RANBP3L: variants seen among roughly 807,000 people sequenced by gnomAD.
The protein encoded by RANBP3L is RAN binding protein 3 like, also known as ran-binding protein 3-like.
A neutral mutation model predicts 67.2 loss-of-function variants in RANBP3L; 56 were observed. The ratio of observed to expected loss-of-function variants is 0.83; its 90% CI spans 0.67 to 1.04. RANBP3L has a LOEUF of 1.04. Ranked by LOEUF, RANBP3L falls within the 50% of genes least tolerant of loss-of-function variation. The pLI is 0.00. For missense variants in RANBP3L, 496 were observed against 535.5 expected, an observed-to-expected ratio of 0.93 and a Z score of 0.73; for synonymous variants, 164 against 181.4, an observed-to-expected ratio of 0.90 and a Z score of 0.77.
intron 13 of RANBP3L, 26 bp downstream of exon 13, chr5:36,251,287 G>A (rs1281501801): frequency 6.3e-7 from 1 of 1,588,712 alleles, no homozygotes; most frequent in African/African-American, 1.3e-5. Context: ...TTAAACCTCT[G>A]AACTAACAAA....
chr5:36,283,357 A>T (rs1195227537), intron 1 of RANBP3L, among the ~76,000 whole-genome samples: 1 of 151,156 alleles, frequency 6.6e-6, no homozygotes, highest in Non-Finnish European at 1.5e-5. Flanking sequence ...CACACCCAGC[A>T]CGTTAATTTA....
At chr5:36,261,014 A>T (rs555937526) in intron 7 of RANBP3L, 150 bp from the exon 8 acceptor site, 2 of 573,498 alleles carry the variant, frequency 3.5e-6, no homozygotes, top group Non-Finnish European at 3.1e-6. Context: ...TGAAGGAAAA[A>T]TTCAGATAGT....
At chr5:36,287,119 A>G (rs1267015866) in intron 1 of RANBP3L, among the ~76,000 whole-genome samples, 3 of 152,106 alleles carry the variant, frequency 2.0e-5, no homozygotes, top group African/African-American at 7.2e-5. Context: ...TCTCATAAAG[A>G]GCACGCAACC....
At chr5:36,279,500 G>A (rs1161495234) in intron 1 of RANBP3L, among the ~76,000 whole-genome samples, 1 of 152,126 alleles carries the variant, frequency 6.6e-6, no homozygotes, top group African/African-American at 2.4e-5. Context: ...CCAATTTGAA[G>A]GTAAGATAAC....
At chr5:36,298,632 A>G (rs755107096) in intron 1 of RANBP3L, among the ~76,000 whole-genome samples, 2 of 152,252 alleles carry the variant, frequency 1.3e-5, no homozygotes, top group Non-Finnish European at 1.5e-5. Flanking sequence ...CAATTTAGCA[A>G]CACAGCAAAT....
chr5:36,284,832 C>G (rs1751213659), intron 1 of RANBP3L, among the ~76,000 whole-genome samples: 1 of 152,160 alleles, frequency 6.6e-6, no homozygotes, highest in African/African-American at 2.4e-5. Flanking sequence ...TTTTGGGAGA[C>G]AGTTGGATGT....
chr5:36,253,774 C>T lies in RANBP3L; in HGVS notation c.1040G>A (p.Gly347Asp), dbSNP rs1222702853. 1 of 1,612,240 alleles carries T rather than the reference C, an allele frequency of 6.2e-7. No homozygotes were observed. Among genetic ancestry groups the T allele is most frequent in the Non-Finnish European group, 8.5e-7 (1 of 1,178,854 alleles). Residue 347 changes from glycine (G) to aspartate (D), a missense_variant, in exon 12 of 14, where the codon GGC (glycine) becomes GAC (aspartate). Coordinates refer to ENST00000296604, the MANE Select transcript of RANBP3L (RefSeq NM_145000.5). ...GCTGTTGAGGATCAGCCTTAGACTG[C>T]CTTGATTGCGCATAACTAAAATAGG... The part of the protein sequence containing the change: ...LQSRLIMRNQ[G>D]SLRLILNSKL...
In RANBP3L at chr5:36,297,843, A is replaced by G. The variant is rs147683924; in HGVS notation, c.91+3483T>C. ...GCTTAGTTGTCTTAGTTCAATTTGC[A>G]TACTCAGCATCTAGCACAACACTTT... On this transcript the variant is annotated intron_variant, in intron 1 of 13. Coordinates refer to ENST00000296604, the MANE Select transcript of RANBP3L (RefSeq NM_145000.5). Among the ~76,000 whole-genome samples the G allele has an allele frequency of 2.0e-3, 301 of 152,310 alleles. 3 individuals carry two copies. Among genetic ancestry groups the G allele is most frequent in the Non-Finnish European group, 2.6e-4 (18 of 68,026 alleles).
intron 1 of RANBP3L, among the ~76,000 whole-genome samples, chr5:36,291,407 T>A (rs1026355700): frequency 1.3e-5 from 2 of 152,032 alleles, no homozygotes; most frequent in South Asian, 4.1e-4. Context: ...ATTTTTATTA[T>A]TATTATTATA....
At chr5:36,278,331 C>T (rs144666884) in intron 1 of RANBP3L, among the ~76,000 whole-genome samples, 1 of 152,180 alleles carries the variant, frequency 6.6e-6, no homozygotes, top group Non-Finnish European at 1.5e-5. Flanking sequence ...CCTTGCTCCT[C>T]AAAGTGTGAT....
At chr5:36,254,729 C>T (rs1310054607) in intron 11 of RANBP3L, among the ~76,000 whole-genome samples, 3 of 152,048 alleles carry the variant, frequency 2.0e-5, no homozygotes, top group Non-Finnish European at 4.4e-5. Flanking sequence ...CAGTGTCTAC[C>T]TGTGGTCTCC....
chr5:36,253,254 C>T (rs1289893102), intron 12 of RANBP3L, among the ~76,000 whole-genome samples: 1 of 152,014 alleles, frequency 6.6e-6, no homozygotes, highest in Non-Finnish European at 1.5e-5. Context: ...GGTTCTTTTC[C>T]AGTGACCTAA....
At chr5:36,262,263 A>C (rs1373837744) in intron 6 of RANBP3L, among the ~76,000 whole-genome samples, 1 of 152,220 alleles carries the variant, frequency 6.6e-6, no homozygotes, top group African/African-American at 2.4e-5. Flanking sequence ...CAAAAAACTT[A>C]AATAATTTGC....
chr5:36,272,726 C>T (rs1750310145), intron 1 of RANBP3L, among the ~76,000 whole-genome samples: 1 of 152,102 alleles, frequency 6.6e-6, no homozygotes, highest in Admixed American at 6.5e-5. Context: ...CTCACTACAA[C>T]CTCCACCTCC....
At chr5:36,290,122 G>C (rs1224709714) in intron 1 of RANBP3L, among the ~76,000 whole-genome samples, 1 of 151,774 alleles carries the variant, frequency 6.6e-6, no homozygotes, top group Non-Finnish European at 1.5e-5. Flanking sequence ...CATCTTTCTG[G>C]CACAAAGGTA....
At chr5:36,257,696 C>T in intron 8 of RANBP3L, 140 bp from the exon 9 acceptor site, 2 of 456,226 alleles carry the variant, frequency 4.4e-6, no homozygotes, top group South Asian at 3.5e-5. Flanking sequence ...TTTGGACTTT[C>T]TGTGTGCTGA....
intron 1 of RANBP3L, among the ~76,000 whole-genome samples, chr5:36,286,724 C>G (rs1200259278): frequency 1.3e-5 from 2 of 152,162 alleles, no homozygotes; most frequent in Non-Finnish European, 2.9e-5. Context: ...TGAAATGAAT[C>G]AATAACCACG....
intron 1 of RANBP3L, among the ~76,000 whole-genome samples, chr5:36,291,734 A>C (rs1276908162): frequency 7.3e-6 from 1 of 136,868 alleles, no homozygotes; most frequent in East Asian, 2.0e-4. Context: ...TGAACTCATC[A>C]TTTTTTATGG....
At chr5:36,296,264 C>A (rs1212672827) in intron 1 of RANBP3L, among the ~76,000 whole-genome samples, 1 of 152,124 alleles carries the variant, frequency 6.6e-6, no homozygotes, top group African/African-American at 2.4e-5. Flanking sequence ...GGCAGAAGTG[C>A]AGATTGCTTG....
Sources: gnomAD v4.1 joint callset for allele counts (sites outside exome capture counted in the v4.1 genomes callset) on GRCh38, gnomAD v4.1.1 for gene constraint, MANE v1.5 for transcripts, NCBI Gene and HGNC (gene_info 2026-07-23, HGNC 2026-07-21) for gene names.